SCYL3: variants seen among roughly 807,000 people sequenced by gnomAD.
SCYL3 encodes SCY1 like pseudokinase 3.
A neutral mutation model predicts 73.8 loss-of-function variants in SCYL3; 35 were observed. That is an observed-to-expected ratio of 0.47 (90% CI 0.36 to 0.63). SCYL3 has a LOEUF of 0.63. SCYL3 is among the 20% of genes least tolerant of loss of function. The pLI is 0.00. For synonymous variants in SCYL3, 277 were observed against 295.2 expected (o/e 0.94, Z 0.63); for missense variants, 712 against 798.9 (o/e 0.89, Z 1.31).
chr1:169,875,763 G>T (rs1229981022), intron 4 of SCYL3, among the ~76,000 whole-genome samples: 2 of 152,158 alleles, frequency 1.3e-5, no homozygotes, highest in African/African-American at 2.4e-5. Flanking sequence ...TCCGTCTCAG[G>T]TTTCCCTATT....
rs767660679 is a variant in SCYL3 at position 169,851,912 on chromosome 1, A to C, written c.*1801T>G. ...AACCCTTTGCTAATGTGACTGTAGA[A>C]GAAGCAAAGAGGTCATCTTTACAGG... On this transcript the variant is annotated 3_prime_UTR_variant, in exon 13 of 13. Coordinates refer to ENST00000367771, the MANE Select transcript of SCYL3 (RefSeq NM_020423.7). The C allele has an allele frequency of 6.2e-7, 1 of 1,614,100 alleles. No homozygotes were observed. Among genetic ancestry groups the C allele is most frequent in the South Asian group, 1.1e-5 (1 of 91,084 alleles).
chr1:169,870,169 CTG>C (rs1660295081), intron 6 of SCYL3, 84 bp downstream of exon 6: 1 of 995,900 alleles, frequency 1.0e-6, no homozygotes. Context: ...TGCTCAAAGA[CTG>C]TAGTCCTTTG....
At chr1:169,856,278 T>G (rs2294496) in intron 11 of SCYL3, among the ~76,000 whole-genome samples, 96,146 of 152,010 alleles carry the variant, frequency 0.63, 30,807 homozygotes, top group Middle Eastern at 0.77. Context: ...TAAAACCAAC[T>G]GATTCTACTT....
At chr1:169,859,310 A>C in intron 10 of SCYL3, 98 bp from the exon 11 acceptor site, 1 of 1,167,742 alleles carries the variant, frequency 8.6e-7, no homozygotes, top group Non-Finnish European at 1.2e-6. Flanking sequence ...TTGTGCTTAG[A>C]TAAACTACAT....
intron 2 of SCYL3, among the ~76,000 whole-genome samples, chr1:169,884,343 G>A (rs1211187134): frequency 1.3e-5 from 2 of 152,066 alleles, no homozygotes; most frequent in East Asian, 3.9e-4. Flanking sequence ...TGTTACCCAG[G>A]CTGGAGTGCA....
At chr1:169,858,902 A>T in intron 11 of SCYL3, 139 bp downstream of exon 11, 1 of 730,840 alleles carries the variant, frequency 1.4e-6, no homozygotes. Context: ...CCCCCCGAGA[A>T]GTTCAGAAAG....
Position 169,850,203 on chromosome 1 carries a change from C to A in SCYL3, c.*3510G>T. The A allele has an allele frequency of 9.1e-7, 1 of 1,102,902 alleles. No homozygotes were observed. The highest frequency in any genetic ancestry group is 1.4e-6 in the Non-Finnish European group (1 of 733,596). The allele number at this position is 1,102,902 out of a possible 1,614,324, so 68.3% of individuals were successfully genotyped here. On this transcript the variant is annotated 3_prime_UTR_variant, in exon 13 of 13. Coordinates refer to ENST00000367771, the MANE Select transcript of SCYL3 (RefSeq NM_020423.7). ...GGTTAAGGTAGCTCATAAAACTCAT[C>A]TATTTGTCTTTGCAAGTTGTTGAAA... is the stretch of plus-strand genomic sequence containing the variant.
chr1:169,890,342 T>C (rs1430541505), intron 1 of SCYL3, among the ~76,000 whole-genome samples: 1 of 152,178 alleles, frequency 6.6e-6, no homozygotes, highest in Non-Finnish European at 1.5e-5. Context: ...TACCATAATA[T>C]AAAAATTAGA....
rs1256088191 is a variant in SCYL3 at position 169,852,938 on chromosome 1, TC to T, written c.*774del. ...TGGCTTTCAATGGAAATGGAGGCGC[TC>T]CAAGAAAGGATGGATAAGCTAAAAC... On this transcript the variant is annotated 3_prime_UTR_variant, in exon 13 of 13. Transcript: ENST00000367771. 6.2e-7 allele frequency: 1 copy of T among 1,614,112 alleles called. No individual in the cohort carries two copies.
intron 2 of SCYL3, among the ~76,000 whole-genome samples, chr1:169,880,809 T>G (rs1661187825): frequency 6.6e-6 from 1 of 151,660 alleles, no homozygotes; most frequent in Admixed American, 6.6e-5. Context: ...TCTCCTAGGT[T>G]GGAGTGCAGT....
At chr1:169,878,295 C>T (rs777960183) in intron 3 of SCYL3, among the ~76,000 whole-genome samples, 8 of 152,228 alleles carry the variant, frequency 5.3e-5, no homozygotes, top group Non-Finnish European at 1.2e-4. Flanking sequence ...TATGGCAGCA[C>T]TGACATTACA....
Position 169,849,715 on chromosome 1 carries a change from A to G in SCYL3, c.*3998T>C. On this transcript the variant is annotated 3_prime_UTR_variant, in exon 13 of 13. Transcript: ENST00000367771. ...AACTGCTTCTGTATTGCAATCGGAA[A>G]ATTGTCTGAAGGGTACATTACTCGT... 1.3e-6 allele frequency: 1 copy of G among 793,492 alleles called. No individual in the cohort carries two copies. The allele number at this position is 793,492 out of a possible 1,614,324, so 49.2% of individuals were successfully genotyped here. A position where few individuals can be genotyped will look rare whatever the true frequency, so the allele number is the denominator to read the frequency against.
rs1657912627 is a variant in SCYL3 at position 169,850,066 on chromosome 1, C to G, written c.*3647G>C. ...TATGACCCAGCAGAAGTAATTAAAG[C>G]TTACAACACTTGTACAGAAGTTAAT... On this transcript the variant is annotated 3_prime_UTR_variant, in exon 13 of 13. Transcript: ENST00000367771. The G allele has an allele frequency of 1.8e-6, 1 of 571,092 alleles. No homozygotes were observed. The highest frequency in any genetic ancestry group is 3.1e-6 in the Non-Finnish European group (1 of 321,126). The allele number at this position is 571,092 out of a possible 1,614,324, so 35.4% of individuals were successfully genotyped here. A position where few individuals can be genotyped will look rare whatever the true frequency, so the allele number is the denominator to read the frequency against.
rs1657886547 is a variant in SCYL3 at position 169,849,889 on chromosome 1, T to G, written c.*3824A>C. On this transcript the variant is annotated 3_prime_UTR_variant, in exon 13 of 13. Transcript: ENST00000367771. ...ACACAGTCTTCCAGCAGATAGTATT[T>G]TTGGGTCAAATGATAATACATTTCA... 1 of 473,206 alleles carries G rather than the reference T, an allele frequency of 2.1e-6. No homozygotes were observed. Among genetic ancestry groups the G allele is most frequent in the South Asian group, 2.6e-5 (1 of 38,376 alleles). 29.3% of individuals were successfully genotyped at this position (473,206 alleles called of 1,614,324 possible).
intron 11 of SCYL3, chr1:169,855,786 A>G (rs772063584): frequency 1.2e-6 from 2 of 1,607,056 alleles, no homozygotes; most frequent in Non-Finnish European, 8.5e-7. Flanking sequence ...TATAAATTTA[A>G]TATTTCTACC....
Position 169,849,736 on chromosome 1 carries a change from C to T in SCYL3, c.*3977G>A, listed in dbSNP as rs2102067896. 1 of 672,452 alleles carries T rather than the reference C, an allele frequency of 1.5e-6. No homozygotes were observed. 41.7% of individuals were successfully genotyped at this position (672,452 alleles called of 1,614,324 possible). ...GGAAAATTGTCTGAAGGGTACATTA[C>T]TCGTTATCTCTTTTACAGCTTCTCA... On this transcript the variant is annotated 3_prime_UTR_variant, in exon 13 of 13. Coordinates refer to ENST00000367771, the MANE Select transcript of SCYL3 (RefSeq NM_020423.7).
intron 9 of SCYL3, 88 bp from the exon 10 acceptor site, chr1:169,862,885 A>C: frequency 8.5e-7 from 1 of 1,183,274 alleles, no homozygotes; most frequent in South Asian, 1.4e-5. Flanking sequence ...CTGAACCCAA[A>C]ACTACACATA....
intron 10 of SCYL3, among the ~76,000 whole-genome samples, chr1:169,861,596 T>A (rs1233143014): frequency 6.6e-6 from 1 of 152,186 alleles, no homozygotes; most frequent in Non-Finnish European, 1.5e-5. Context: ...TGAGAATTAA[T>A]AAAATGATTA....
chr1:169,890,488 C>A (rs1253243851), intron 1 of SCYL3, among the ~76,000 whole-genome samples: 1 of 152,212 alleles, frequency 6.6e-6, no homozygotes, highest in African/African-American at 2.4e-5. Context: ...AATCATTACA[C>A]ATTGACCCTC....
Sources: gnomAD v4.1 joint callset for allele counts (sites outside exome capture counted in the v4.1 genomes callset) on GRCh38, gnomAD v4.1.1 for gene constraint, MANE v1.5 for transcripts, NCBI Gene and HGNC (gene_info 2026-07-23, HGNC 2026-07-21) for gene names.